CACNA1S: variants seen among roughly 807,000 people sequenced by gnomAD.
CACNA1S encodes the protein calcium voltage-gated channel subunit alpha1 S.
CACNA1S carries 126 observed loss-of-function variants against 207.4 expected under a neutral mutation model. The observed-to-expected ratio is 0.61, with a 90% CI of 0.53 to 0.70. The LOEUF (loss-of-function observed/expected upper bound fraction) is 0.70. Ranked by LOEUF, CACNA1S falls within the 30% of genes least tolerant of loss-of-function variation. The probability of loss-of-function intolerance (pLI) is 0.00; values close to 1 mark genes in which losing one functional copy is unlikely to be tolerated. For synonymous variants in CACNA1S, 960 were observed against 932.7 expected (o/e 1.03, Z -0.53); for missense variants, 2,349 against 2,422.8 (o/e 0.97, Z 0.64).
Position 201,073,186 on chromosome 1 carries a change from T to A in CACNA1S, c.2158-362A>T, listed in dbSNP as rs185734421. Among the ~76,000 whole-genome samples, 3 of 152,272 alleles carry A rather than the reference T, an allele frequency of 2.0e-5. No individual in the cohort carries two copies. The East Asian group carries it at 5.8e-4, about 29-fold the overall frequency. ...ACTCCACTTCCTCAGTTTTCAGGAA[T>A]GGTGAGCAGAGTCAGATGGGAATGA... On this transcript the variant is annotated intron_variant, in intron 15 of 43. Coordinates refer to ENST00000362061, the MANE Select transcript of CACNA1S (RefSeq NM_000069.3).
At chr1:201,063,679 C>T (rs565885286) in intron 22 of CACNA1S, among the ~76,000 whole-genome samples, 51 of 152,316 alleles carry the variant, frequency 3.3e-4, no homozygotes, top group African/African-American at 1.1e-3. Context: ...GAAACTGCCT[C>T]GGCCAAGGAC....
At position 201,055,199 on chromosome 1, in the gene CACNA1S, C is replaced by T. The variant is rs529095606; in HGVS notation, c.3610-638G>A. ...CACTTCATGAGAAGCCCTTGTTCTG[C>T]AGCCCTGGGTCAAAAGAAGTCATTG... On this transcript the variant is annotated intron_variant, in intron 28 of 43. Transcript: ENST00000362061. 3.3e-5 allele frequency among the ~76,000 whole-genome samples: 5 copies of T among 152,352 alleles called. No individual in the cohort carries two copies. The South Asian group carries it at 8.3e-4, about 25-fold the overall frequency.
chr1:201,058,268 G>C (rs890239876), intron 28 of CACNA1S, 140 bp downstream of exon 28: 2 of 763,336 alleles, frequency 2.6e-6, no homozygotes, highest in Non-Finnish European at 4.7e-6. Flanking sequence ...CTTGAGGGCA[G>C]AAGCCGTGAC....
Position 201,100,422 on chromosome 1 carries a change from C to T in CACNA1S, c.259-6401G>A, listed in dbSNP as rs1224682604. On this transcript the variant is annotated intron_variant, in intron 2 of 43. Coordinates refer to ENST00000362061, the MANE Select transcript of CACNA1S (RefSeq NM_000069.3). ...GGCATCTCCACAAACACCTCAGCCT[C>T]CAGGTTTGGAAGATGACCTGCTGAG... 2.0e-5 allele frequency among the ~76,000 whole-genome samples: 3 copies of T among 152,342 alleles called. No individual in the cohort carries two copies. In the East Asian group the frequency reaches 5.8e-4, roughly 29 times the overall value.
chr1:201,072,736 C>T lies in CACNA1S; in HGVS notation c.2227+19G>A. 4 of 1,603,258 alleles carry T rather than the reference C, an allele frequency of 2.5e-6. No individual in the cohort carries two copies. Among genetic ancestry groups the T allele is most frequent in the Admixed American group, 1.7e-5 (1 of 60,010 alleles). On this transcript the variant is annotated intron_variant, in intron 16 of 43. Transcript: ENST00000362061. ...TTCACCCCAGCACCCTGCTCCAGTC[C>T]AGTCTCCAGCATCCTCACCTGGGAA...
intron 38 of CACNA1S, among the ~76,000 whole-genome samples, chr1:201,045,734 C>CAAA (rs56958698): frequency 6.9e-5 from 5 of 72,634 alleles, no homozygotes; most frequent in Non-Finnish European, 1.0e-4. Context: ...CTCTTGTCTC[C>CAAA]AAAAAAAAAA....
rs184019373 is a variant in CACNA1S, at chr1:201,050,937, A to C, written c.4113+47T>G. 14 of 1,601,958 alleles carry C rather than the reference A, an allele frequency of 8.7e-6. No homozygotes were observed. The East Asian group carries it at 2.9e-4, about 33-fold the overall frequency. On this transcript the variant is annotated intron_variant, in intron 33 of 43. Coordinates refer to ENST00000362061, the MANE Select transcript of CACNA1S (RefSeq NM_000069.3). ...GGGCAGGCAGGCTCCCCCATGCCTC[A>C]GCTTATCAAAGCCCTCTCCCTGCCC...
At chr1:201,094,078 T>C in intron 2 of CACNA1S, 57 bp from the exon 3 acceptor site, 1 of 1,608,904 alleles carries the variant, frequency 6.2e-7, no homozygotes, top group Non-Finnish European at 8.5e-7. Context: ...GCACCCTTGC[T>C]CTCTTCCCTG....
chr1:201,056,556 T>C (rs1345585228), intron 28 of CACNA1S, among the ~76,000 whole-genome samples: 1 of 152,216 alleles, frequency 6.6e-6, no homozygotes, highest in Admixed American at 6.5e-5. Flanking sequence ...CAGCCAGCCC[T>C]TGGGTGACAT....
rs983290938 is a variant in CACNA1S at position 201,066,164 on chromosome 1, G to A, written c.2745+65C>T. 6.8e-7 allele frequency: 1 copy of A among 1,479,992 alleles called. No homozygotes were observed. The highest frequency in any genetic ancestry group is 2.3e-5 in the East Asian group (1 of 44,228). 91.7% of individuals were successfully genotyped at this position (1,479,992 alleles called of 1,614,324 possible). ...AGCCATGGCTGGGCTGAGGTTTCTG[G>A]AGCGAGGAGGCCCCTGTAACCCCTC... On this transcript the variant is annotated intron_variant, in intron 21 of 43. Transcript: ENST00000362061. The surrounding 1 kb of genome is among the most constrained non-coding windows in gnomAD (Gnocchi z 4.3).
chr1:201,089,976 C>T (rs956118323), intron 5 of CACNA1S, among the ~76,000 whole-genome samples: 1 of 152,228 alleles, frequency 6.6e-6, no homozygotes, highest in African/African-American at 2.4e-5. Flanking sequence ...AGCCTGCACT[C>T]TCCTTTGTTC....
At chr1:201,089,925 G>A (rs1414038190) in intron 5 of CACNA1S, among the ~76,000 whole-genome samples, 1 of 152,232 alleles carries the variant, frequency 6.6e-6, no homozygotes, top group African/African-American at 2.4e-5. Flanking sequence ...CCAGCTGACG[G>A]GGCAGGGGTC....
At position 201,110,216 on chromosome 1, in the gene CACNA1S, G is replaced by A. The variant is rs12406479; in HGVS notation, c.206C>T (p.Ala69Val). The A allele has an allele frequency of 6.2e-7, 1 of 1,614,174 alleles. No homozygotes were observed. The highest frequency in any genetic ancestry group is 8.5e-7 in the Non-Finnish European group (1 of 1,179,996). The change falls in exon 2 of 44, where the codon GCC (alanine) becomes GTC (valine). Residue 69 changes from alanine to valine, a missense_variant. Transcript: ENST00000362061. ...ATCTTCCGGCATGGGCAGGTACACG[G>A]CCAGGGCCACACAATTGGCAAAGAT... ...LTIFANCVAL[A>V]VYLPMPEDDN...
intron 7 of CACNA1S, among the ~76,000 whole-genome samples, chr1:201,086,616 A>G (rs917881383): frequency 1.3e-5 from 2 of 152,246 alleles, no homozygotes; most frequent in African/African-American, 4.8e-5. Context: ...TAAAGATACA[A>G]TCTTAGCGCA....
At chr1:201,092,228 AGAG>A in intron 3 of CACNA1S, 114 bp from the exon 4 acceptor site, 1 of 1,108,282 alleles carries the variant, frequency 9.0e-7, no homozygotes, top group East Asian at 2.4e-5. Context: ...GGCCTAGGGG[AGAG>A]ACGGCAAATA....
At chr1:201,067,672 C>T (rs1003875708) in intron 19 of CACNA1S, among the ~76,000 whole-genome samples, 2 of 152,206 alleles carry the variant, frequency 1.3e-5, no homozygotes, top group Non-Finnish European at 2.9e-5. Flanking sequence ...TCCTCTCTGG[C>T]AATGTCCCCA....
intron 22 of CACNA1S, 44 bp downstream of exon 22, chr1:201,065,794 G>C (rs1661213800): frequency 2.9e-6 from 4 of 1,360,872 alleles, no homozygotes; most frequent in Non-Finnish European, 4.2e-6. Context: ...GGGCACCAGG[G>C]CTGGGAGCGG....
chr1:201,058,324 C>T, intron 28 of CACNA1S, 84 bp downstream of exon 28: 1 of 1,167,128 alleles, frequency 8.6e-7, no homozygotes, highest in East Asian at 2.3e-5. Flanking sequence ...GTTGTACACA[C>T]AGTGGGCACC....
chr1:201,112,397 T>C lies in CACNA1S; in HGVS notation c.-58A>G. On this transcript the variant is annotated 5_prime_UTR_variant, in exon 1 of 44. Transcript: ENST00000362061. Reference sequence around the variant, plus strand: ...CCCCACCCCAGTGCTTTCCCTTCCCTGTGTCCCCAATGCCCCCGCCTTGGG... The same window carrying C: ...CCCCACCCCAGTGCTTTCCCTTCCCCGTGTCCCCAATGCCCCCGCCTTGGG... 7.4e-6 allele frequency: 12 copies of C among 1,610,982 alleles called. No individual in the cohort carries two copies. Among genetic ancestry groups the C allele is most frequent in the Non-Finnish European group, 1.0e-5 (12 of 1,179,390 alleles).
Sources: gnomAD v4.1 joint callset for allele counts (sites outside exome capture counted in the v4.1 genomes callset) on GRCh38, gnomAD v4.1.1 for gene constraint, Gnocchi (gnomAD v3.1) non-coding constraint, MANE v1.5 for transcripts, NCBI Gene and HGNC (gene_info 2026-07-23, HGNC 2026-07-21) for gene names.